The following DISC1 variants were observed in gnomAD, a reference collection of about 807,000 sequenced individuals.
The protein encoded by DISC1 is DISC1 scaffold protein.
Under a neutral mutation model 84.5 loss-of-function variants are expected in DISC1, and 57 were observed. The observed-to-expected ratio is 0.67, with a 90% CI of 0.55 to 0.84. The LOEUF (loss-of-function observed/expected upper bound fraction) is 0.84, where lower values mean the gene tolerates loss of function less well. Among genes scored for constraint, DISC1 ranks in the 40% least tolerant of loss-of-function variants. The pLI is 0.00. For synonymous variants in DISC1, 411 were observed against 415.2 expected, an observed-to-expected ratio of 0.99 and a Z score of 0.12; for missense variants, 1,000 against 1,057.8, an observed-to-expected ratio of 0.95 and a Z score of 0.76.
intron 9 of DISC1, among the ~76,000 whole-genome samples, chr1:231,869,096 C>T (rs754625842): frequency 6.6e-6 from 1 of 152,062 alleles, no homozygotes; most frequent in Non-Finnish European, 1.5e-5. Flanking sequence ...ATCTTGAAGA[C>T]ATTTAGTCTG....
At chr1:231,792,061 T>C (rs1411411415) in intron 6 of DISC1, among the ~76,000 whole-genome samples, 1 of 152,200 alleles carries the variant, frequency 6.6e-6, no homozygotes, top group Non-Finnish European at 1.5e-5. Flanking sequence ...ATTCCTCATA[T>C]CGTCTGCTCC....
chr1:231,995,940 A>C (rs9793397), intron 10 of DISC1, among the ~76,000 whole-genome samples: 8,920 of 151,924 alleles, frequency 0.059, 362 homozygotes, highest in East Asian at 0.2. Flanking sequence ...TGGTTGAACT[A>C]GTTTACAGTC....
rs148270195 is a variant in DISC1, at chr1:231,822,709, G to A, written c.1981+4192G>A. 1.5e-3 allele frequency among the ~76,000 whole-genome samples: 228 copies of A among 152,284 alleles called. 3 individuals carry two copies. The highest frequency in any genetic ancestry group is 5.2e-3 in the African/African-American group (215 of 41,534). ...GGCTGGGTCATTTATAAAGAAAAGG[G>A]AATTCTTTGGCTCACAGTTTTGCAG... On this transcript the variant is annotated intron_variant, in intron 9 of 12. Coordinates refer to ENST00000439617, the MANE Select transcript of DISC1 (RefSeq NM_018662.3).
intron 9 of DISC1, among the ~76,000 whole-genome samples, chr1:231,884,681 A>G (rs1300974522): frequency 6.6e-6 from 1 of 152,054 alleles, no homozygotes. Context: ...AAAACCACCC[A>G]TTGGGCACTA....
At chr1:231,848,547 T>A (rs1221347979) in intron 9 of DISC1, among the ~76,000 whole-genome samples, 2 of 152,196 alleles carry the variant, frequency 1.3e-5, no homozygotes, top group Admixed American at 1.3e-4. Context: ...GGTGATGGTA[T>A]TGCTGCTGTT....
intron 10 of DISC1, among the ~76,000 whole-genome samples, chr1:232,004,548 A>G (rs1667097844): frequency 6.6e-6 from 1 of 152,222 alleles, no homozygotes; most frequent in Admixed American, 6.5e-5. Context: ...AAAGTTAAAG[A>G]TACTGAAGTG....
intron 9 of DISC1, among the ~76,000 whole-genome samples, chr1:231,917,245 T>C (rs537587701): frequency 6.6e-6 from 1 of 152,334 alleles, no homozygotes; most frequent in African/African-American, 2.4e-5. Context: ...ACCTTTTCCC[T>C]GCGGCATTAC....
intron 1 of DISC1, among the ~76,000 whole-genome samples, chr1:231,678,565 G>T (rs1162603874): frequency 2.0e-5 from 3 of 152,194 alleles, no homozygotes; most frequent in Non-Finnish European, 4.4e-5. Flanking sequence ...GAGAAAACAG[G>T]CATGGAGAAG....
In DISC1 at chr1:231,989,942, C is replaced by G. The variant is rs140273795; in HGVS notation, c.2043-18843C>G. 9.2e-4 allele frequency among the ~76,000 whole-genome samples: 140 copies of G among 152,306 alleles called. 3 individuals are homozygous for G. Among genetic ancestry groups the G allele is most frequent in the Non-Finnish European group, 5.9e-5 (4 of 68,022 alleles). On this transcript the variant is annotated intron_variant, in intron 10 of 12. Transcript: ENST00000439617. Reference sequence around the variant, plus strand: ...GAACCTATGCAGTCTGGCTTCTACACTACACTTCCAGGCAGAGGGCATCTC... The same window carrying G: ...GAACCTATGCAGTCTGGCTTCTACAGTACACTTCCAGGCAGAGGGCATCTC...
Position 232,039,288 on chromosome 1 carries a change from G to A in DISC1, c.*2457G>A, listed in dbSNP as rs72762370. On this transcript the variant is annotated 3_prime_UTR_variant, in exon 13 of 13. Transcript: ENST00000439617. ...ATATGTCTTTTCAAAAAGCCTCCCAGACACAAGACATCTTAACCGTCACTA... is the reference window on the plus strand; with the variant it reads ...ATATGTCTTTTCAAAAAGCCTCCCAAACACAAGACATCTTAACCGTCACTA... The A allele has an allele frequency of 6.6e-6, 1 of 152,238 alleles. No individual in the cohort carries two copies. Among genetic ancestry groups the A allele is most frequent in the Non-Finnish European group, 1.5e-5 (1 of 68,010 alleles). 9.4% of individuals were successfully genotyped at this position (152,238 alleles called of 1,614,324 possible). A position where few individuals can be genotyped will look rare whatever the true frequency, so the allele number is the denominator to read the frequency against.
intron 4 of DISC1, among the ~76,000 whole-genome samples, chr1:231,763,476 T>C (rs1034965651): frequency 2.0e-5 from 3 of 152,260 alleles, no homozygotes; most frequent in African/African-American, 7.2e-5. Context: ...TATGTTACAA[T>C]AAGTGACCTT....
intron 3 of DISC1, among the ~76,000 whole-genome samples, chr1:231,715,573 A>G (rs1407717895): frequency 6.6e-6 from 1 of 152,182 alleles, no homozygotes; most frequent in African/African-American, 2.4e-5. Flanking sequence ...GAAAAGTTCA[A>G]CCCATCAATA....
At chr1:231,786,446 T>G (rs1323286312) in intron 6 of DISC1, among the ~76,000 whole-genome samples, 1 of 152,184 alleles carries the variant, frequency 6.6e-6, no homozygotes, top group African/African-American at 2.4e-5. Context: ...AGGCTCATCT[T>G]TGGGGCAGGT....
intron 1 of DISC1, among the ~76,000 whole-genome samples, chr1:231,638,751 G>A (rs558589029): frequency 9.9e-5 from 15 of 152,092 alleles, no homozygotes; most frequent in South Asian, 2.1e-4. Context: ...GTGTTTACTC[G>A]TTATTCTCTT....
At chr1:231,937,306 C>T (rs1031121434) in intron 9 of DISC1, among the ~76,000 whole-genome samples, 3 of 152,164 alleles carry the variant, frequency 2.0e-5, no homozygotes, top group Admixed American at 6.5e-5. Context: ...TTAGCCATTC[C>T]GGTGTCAAGC....
intron 9 of DISC1, among the ~76,000 whole-genome samples, chr1:231,945,640 A>G (rs1657026058): frequency 6.6e-6 from 1 of 152,110 alleles, no homozygotes; most frequent in Non-Finnish European, 1.5e-5. Context: ...GATAGAGACA[A>G]GAAAAACCTT....
At chr1:231,920,541 A>T (rs2089930158) in intron 9 of DISC1, among the ~76,000 whole-genome samples, 1 of 152,114 alleles carries the variant, frequency 6.6e-6, no homozygotes, top group Non-Finnish European at 1.5e-5. Context: ...TGTCTGTCTT[A>T]TTTCACTTAG....
chr1:231,749,853 A>G, intron 3 of DISC1, 73 bp from the exon 4 acceptor site: 5 of 1,603,442 alleles, frequency 3.1e-6, no homozygotes, highest in Non-Finnish European at 4.3e-6. Flanking sequence ...AACTGGAGCT[A>G]AGAGACACCG....
intron 10 of DISC1, among the ~76,000 whole-genome samples, chr1:231,983,312 T>C (rs1663881748): frequency 6.6e-6 from 1 of 151,276 alleles, no homozygotes; most frequent in Admixed American, 6.6e-5. Flanking sequence ...GCCCAGACAG[T>C]AGAAGCTGAA....
Sources: gnomAD v4.1 joint callset for allele counts (sites outside exome capture counted in the v4.1 genomes callset) on GRCh38, gnomAD v4.1.1 for gene constraint, MANE v1.5 for transcripts, NCBI Gene and HGNC (gene_info 2026-07-23, HGNC 2026-07-21) for gene names.